The following SLC24A2 variants were observed in gnomAD, a reference collection of about 807,000 sequenced individuals.
The protein encoded by SLC24A2 is solute carrier family 24 member 2, also known as sodium/potassium/calcium exchanger 2.
A neutral mutation model predicts 62.0 loss-of-function variants in SLC24A2; 36 were observed. That is an observed-to-expected ratio of 0.58 (90% CI 0.44 to 0.77). SLC24A2 has a LOEUF of 0.77. Among genes scored for constraint, SLC24A2 ranks in the 30% least tolerant of loss-of-function variants. The pLI is 0.00. For synonymous variants in SLC24A2, 358 were observed against 294.0 expected, an observed-to-expected ratio of 1.22 and a Z score of -2.23; for missense variants, 846 against 817.9, an observed-to-expected ratio of 1.03 and a Z score of -0.42.
chr9:19,667,923 G>A lies in SLC24A2; in HGVS notation c.931-45624C>T, dbSNP rs569397419. Among the ~76,000 whole-genome samples the A allele has an allele frequency of 1.1e-4, 16 of 152,182 alleles. 1 individual carries two copies. In the South Asian group the frequency reaches 2.7e-3, roughly 26 times the overall value. Reference sequence around the variant, plus strand: ...AGTTCTTCCTCTAGCAAGACTTCTGGGACTTTTCCTTCTCATCCACTGCCA... The same window carrying A: ...AGTTCTTCCTCTAGCAAGACTTCTGAGACTTTTCCTTCTCATCCACTGCCA... On this transcript the variant is annotated intron_variant, in intron 2 of 10. Transcript: ENST00000341998.
At chr9:19,689,334 A>G (rs1199004521) in intron 2 of SLC24A2, among the ~76,000 whole-genome samples, 3 of 152,250 alleles carry the variant, frequency 2.0e-5, no homozygotes, top group African/African-American at 7.2e-5. Context: ...GCTTTTCTCA[A>G]AAGGCCATAT....
the SLC24A2 span, among the ~76,000 whole-genome samples, chr9:20,085,317 T>C: frequency 1.3e-5 from 2 of 152,232 alleles, no homozygotes; most frequent in Non-Finnish European, 2.9e-5. Flanking sequence ...TGTTTTGAAT[T>C]ATTTTAGCTT....
At chr9:19,561,061 G>A (rs1835374818) in intron 7 of SLC24A2, among the ~76,000 whole-genome samples, 1 of 151,962 alleles carries the variant, frequency 6.6e-6, no homozygotes, top group South Asian at 2.1e-4. Context: ...GAGTAGCTGG[G>A]ATTACAGGTG....
chr9:20,258,751 A>C, the SLC24A2 span, among the ~76,000 whole-genome samples: 1 of 151,316 alleles, frequency 6.6e-6, no homozygotes, highest in African/African-American at 2.4e-5. Context: ...TTCCCTAATG[A>C]ATCTCCTCTC....
intron 2 of SLC24A2, among the ~76,000 whole-genome samples, chr9:19,757,148 T>G (rs1397285778): frequency 6.6e-6 from 1 of 152,104 alleles, no homozygotes; most frequent in African/African-American, 2.4e-5. Flanking sequence ...AACTCACAAT[T>G]GAAACAACTG....
rs970001405 is a variant in SLC24A2 at position 19,513,589 on chromosome 9, G to A, written c.*2564C>T. On this transcript the variant is annotated 3_prime_UTR_variant, in exon 11 of 11. Coordinates refer to ENST00000341998, the MANE Select transcript of SLC24A2 (RefSeq NM_020344.4). ...GAGACAAGCAAAGGGCACCATAGCT[G>A]CTTTGATCAGCCTTCACTGTAAGCT... 1 of 152,064 alleles carries A rather than the reference G, an allele frequency of 6.6e-6. No homozygotes were observed. The highest frequency in any genetic ancestry group is 1.5e-5 in the Non-Finnish European group (1 of 68,024). The allele number at this position is 152,064 out of a possible 1,614,324, so 9.4% of individuals were successfully genotyped here. A position where few individuals can be genotyped will look rare whatever the true frequency, so the allele number is the denominator to read the frequency against.
the SLC24A2 span, among the ~76,000 whole-genome samples, chr9:19,921,498 C>T: frequency 0.04 from 5,345 of 134,028 alleles, 307 homozygotes; most frequent in African/African-American, 0.14. Flanking sequence ...CCAGCCTGGG[C>T]GACAGAGCGA....
At chr9:20,269,178 C>T in the SLC24A2 span, among the ~76,000 whole-genome samples, 26 of 152,148 alleles carry the variant, frequency 1.7e-4, no homozygotes, top group South Asian at 2.1e-4. Context: ...GGGTCTTAGC[C>T]GTGAAGGAGT....
At chr9:19,834,001 C>T in the SLC24A2 span, among the ~76,000 whole-genome samples, 3 of 152,318 alleles carry the variant, frequency 2.0e-5, no homozygotes, top group Admixed American at 6.5e-5. Flanking sequence ...TCCAACAGAC[C>T]TGCAGCTGAG....
intron 5 of SLC24A2, among the ~76,000 whole-genome samples, chr9:19,583,902 T>C (rs1181143440): frequency 6.6e-6 from 1 of 151,952 alleles, no homozygotes; most frequent in Admixed American, 6.6e-5. Flanking sequence ...TGGCTCCTCA[T>C]TTTTTTTATT....
At chr9:20,238,957 C>T in the SLC24A2 span, among the ~76,000 whole-genome samples, 6 of 152,136 alleles carry the variant, frequency 3.9e-5, no homozygotes, top group South Asian at 2.1e-4. Flanking sequence ...GAAAAGGCCA[C>T]GGGAGGGCAC....
At chr9:20,165,174 G>A in the SLC24A2 span, among the ~76,000 whole-genome samples, 3 of 151,786 alleles carry the variant, frequency 2.0e-5, no homozygotes, top group Non-Finnish European at 2.9e-5. Flanking sequence ...ACACGGAAAA[G>A]CCTACTACCT....
chr9:19,740,928 A>G (rs1048786197), intron 2 of SLC24A2, among the ~76,000 whole-genome samples: 12 of 151,918 alleles, frequency 7.9e-5, no homozygotes, highest in Non-Finnish European at 1.5e-4. Context: ...CAGCCTCATC[A>G]TGGTTTTTAC....
chr9:19,901,808 C>T, the SLC24A2 span, among the ~76,000 whole-genome samples: 1 of 151,856 alleles, frequency 6.6e-6, no homozygotes, highest in Admixed American at 6.6e-5. Flanking sequence ...TGAGATAAGT[C>T]TCTTATCTAG....
At chr9:20,071,098 C>T in the SLC24A2 span, among the ~76,000 whole-genome samples, 2 of 152,222 alleles carry the variant, frequency 1.3e-5, no homozygotes, top group Non-Finnish European at 2.9e-5. Flanking sequence ...CTCACTCCCT[C>T]CTTGCCTTCC....
chr9:20,172,703 T>C, the SLC24A2 span, among the ~76,000 whole-genome samples: 1 of 151,444 alleles, frequency 6.6e-6, no homozygotes, highest in Non-Finnish European at 1.5e-5. Context: ...TAACATGAAA[T>C]AAAAAAATTA....
the SLC24A2 span, among the ~76,000 whole-genome samples, chr9:20,090,685 A>T: frequency 6.6e-6 from 1 of 152,118 alleles, no homozygotes; most frequent in Non-Finnish European, 1.5e-5. Flanking sequence ...TGAAAACATC[A>T]AGAAAAGAAG....
chr9:19,562,126 T>A (rs1370524720), intron 7 of SLC24A2, among the ~76,000 whole-genome samples: 1 of 152,210 alleles, frequency 6.6e-6, no homozygotes, highest in Non-Finnish European at 1.5e-5. Context: ...GAGACTGATT[T>A]CTTTCCATAT....
chr9:19,816,972 T>C, the SLC24A2 span, among the ~76,000 whole-genome samples: 1 of 152,180 alleles, frequency 6.6e-6, no homozygotes, highest in Non-Finnish European at 1.5e-5. Flanking sequence ...TACCACAGCA[T>C]GTAGCATAGT....
Sources: allele counts gnomAD v4.1 joint callset (sites outside exome capture counted in the v4.1 genomes callset), GRCh38; gene constraint gnomAD v4.1.1; transcripts MANE v1.5; gene names NCBI Gene and HGNC (gene_info 2026-07-23, HGNC 2026-07-21).